HTRA3: variants seen among roughly 807,000 people sequenced by gnomAD.
HTRA3 encodes the protein HtrA serine peptidase 3.
HTRA3 carries 41 observed loss-of-function variants against 43.2 expected under a neutral mutation model. That is an observed-to-expected ratio of 0.95 (90% CI 0.74 to 1.23). The LOEUF is 1.23. Ranked by LOEUF, HTRA3 falls within the 50% of genes most tolerant of loss-of-function variation. The pLI is 0.00. For synonymous variants in HTRA3, 295 were observed against 287.9 expected, an observed-to-expected ratio of 1.02 and a Z score of -0.25; for missense variants, 628 against 647.1, an observed-to-expected ratio of 0.97 and a Z score of 0.32.
At chr4:8,298,049 G>GCCTCCA (rs1470237193) in intron 6 of HTRA3, among the ~76,000 whole-genome samples, 4 of 152,124 alleles carry the variant, frequency 2.6e-5, no homozygotes, top group Non-Finnish European at 4.4e-5. Context: ...TCGCCGCTCC[G>GCCTCCA]CCTCCACCTC....
Position 8,282,461 on chromosome 4 carries a change from G to A in HTRA3, c.410G>A (p.Arg137His), listed in dbSNP as rs746960044. 9 of 1,613,776 alleles carry A rather than the reference G, an allele frequency of 5.6e-6. No homozygotes were observed. Among genetic ancestry groups the A allele is most frequent in the African/African-American group, 2.7e-5 (2 of 74,930 alleles). Residue 137 changes from arginine (R) to histidine (H), a missense_variant, in exon 2 of 9, where the codon CGC becomes CAC. Physicochemically the swap from Arg to His is conservative, Grantham distance 29. Transcript: ENST00000307358. ...PLGLHQLSSP[R>H]YKFNFIADVV... ...GGTCTCCACCAGCTGAGCAGCCCGC[G>A]CTACAAGTTCAACTTCATTGCTGAC...
At chr4:8,270,857 C>G (rs567123174) in intron 1 of HTRA3, among the ~76,000 whole-genome samples, 56 of 152,272 alleles carry the variant, frequency 3.7e-4, no homozygotes, top group African/African-American at 1.3e-3. Context: ...CAGGGAGAGG[C>G]TGCTTGGGGG....
rs555586116 is a variant in HTRA3, at chr4:8,289,427, T to C, written c.709-1943T>C. ...CAGGCAATGGACAGCGTTTGGGCCT[T>C]GGGCCAGTTTGCAACCCCCGCTCGA... On this transcript the variant is annotated intron_variant, in intron 3 of 8. Coordinates refer to ENST00000307358, the MANE Select transcript of HTRA3 (RefSeq NM_053044.5). 9.8e-5 allele frequency among the ~76,000 whole-genome samples: 15 copies of C among 152,336 alleles called. No individual in the cohort carries two copies. In the South Asian group the frequency reaches 3.1e-3, roughly 32 times the overall value.
intron 1 of HTRA3, among the ~76,000 whole-genome samples, chr4:8,277,575 A>G (rs1712579075): frequency 6.6e-6 from 1 of 152,188 alleles, no homozygotes; most frequent in Non-Finnish European, 1.5e-5. Context: ...GCCCTGAGGA[A>G]TGACAGGAAG....
Position 8,279,736 on chromosome 4 carries a change from C to T in HTRA3, c.386-2701C>T, listed in dbSNP as rs185190801. ...GCCGTGGCTGCCTGCACAGGCAATG[C>T]GGGCTCAGCCTGTGGCTTTCCATGT... On this transcript the variant is annotated intron_variant, in intron 1 of 8. Transcript: ENST00000307358. The surrounding 1 kb of genome is among the most constrained non-coding windows in gnomAD (Gnocchi z 7.4). Among the ~76,000 whole-genome samples, 16 of 152,292 alleles carry T rather than the reference C, an allele frequency of 1.1e-4. No homozygotes were observed. The highest frequency in any genetic ancestry group is 3.9e-4 in the Admixed American group (6 of 15,294).
At chr4:8,289,176 G>C (rs7664627) in intron 3 of HTRA3, among the ~76,000 whole-genome samples, 74,229 of 151,488 alleles carry the variant, frequency 0.49, 18,822 homozygotes, top group East Asian at 0.69. Flanking sequence ...TCTAGAACTC[G>C]TGGGCTCAAG....
chr4:8,279,870 C>T lies in HTRA3; in HGVS notation c.386-2567C>T, dbSNP rs544435450. Among the ~76,000 whole-genome samples, 1 of 152,344 alleles carries T rather than the reference C, an allele frequency of 6.6e-6. No individual in the cohort carries two copies. Among genetic ancestry groups the T allele is most frequent in the East Asian group, 1.9e-4 (1 of 5,174 alleles). On this transcript the variant is annotated intron_variant, in intron 1 of 8. Coordinates refer to ENST00000307358, the MANE Select transcript of HTRA3 (RefSeq NM_053044.5). The surrounding 1 kb of genome is among the most constrained non-coding windows in gnomAD (Gnocchi z 7.4). ...CTCATCCCTGGTGATGCTGTGCTGT[C>T]TCTGGTCGGTCACTGACTTGACCCT... is the stretch of plus-strand genomic sequence containing the variant.
intron 3 of HTRA3, among the ~76,000 whole-genome samples, chr4:8,288,155 G>A (rs965299755): frequency 2.6e-5 from 4 of 152,218 alleles, no homozygotes; most frequent in African/African-American, 9.6e-5. Flanking sequence ...TCCCCTAATG[G>A]GGACCCTTCC....
Position 8,296,136 on chromosome 4 carries a change from C to T in HTRA3, c.1051+1935C>T, listed in dbSNP as rs1337588859. On this transcript the variant is annotated intron_variant, in intron 6 of 8. Transcript: ENST00000307358. This position sits in a 1 kb window ranked among gnomAD's most constrained non-coding sequence, Gnocchi z 5.3. ...GAAATTAGCGGAGCTGCTGTTTGCACACACTGAGCTGTGAGGTGGCTTTCC... is the reference window on the plus strand; with the variant it reads ...GAAATTAGCGGAGCTGCTGTTTGCATACACTGAGCTGTGAGGTGGCTTTCC... 8.0e-6 allele frequency: 8 copies of T among 995,850 alleles called. No individual in the cohort carries two copies. Among genetic ancestry groups the T allele is most frequent in the Non-Finnish European group, 6.0e-6 (5 of 837,214 alleles). The allele number at this position is 995,850 out of a possible 1,614,324, so 61.7% of individuals were successfully genotyped here.
rs1183099930 is a variant in HTRA3 at position 8,291,499 on chromosome 4, G to A, written c.838G>A (p.Glu280Lys). Residue 280 changes from glutamate to lysine, a missense_variant, in exon 4 of 9, where the codon GAG becomes AAG. By Grantham distance (56) the Glu-to-Lys change is moderately conservative (BLOSUM62 1). Coordinates refer to ENST00000307358, the MANE Select transcript of HTRA3 (RefSeq NM_053044.5). ...GGGCATCGTCAGCACTGCCCAGCGG[G>A]AGGGCAGGGAGCTGGGCCTCCGGGA... ...TTGIVSTAQR[E>K]GRELGLRDSD... 5 of 1,612,714 alleles carry A rather than the reference G, an allele frequency of 3.1e-6. No homozygotes were observed.
At chr4:8,281,799 G>A (rs1012393126) in intron 1 of HTRA3, among the ~76,000 whole-genome samples, 3 of 152,244 alleles carry the variant, frequency 2.0e-5, no homozygotes, top group African/African-American at 4.8e-5. Context: ...AGGGAAGTTC[G>A]TGAACCATCT....
chr4:8,291,248 TG>T, intron 3 of HTRA3, 121 bp from the exon 4 acceptor site: 1 of 834,528 alleles, frequency 1.2e-6, no homozygotes, highest in Non-Finnish European at 2.0e-6. Context: ...TTCACAGTCC[TG>T]GTGGCTTTGC....
At position 8,306,162 on chromosome 4, in the gene HTRA3, G is replaced by T; in HGVS notation, c.*26G>T. On this transcript the variant is annotated 3_prime_UTR_variant, in exon 9 of 9. Coordinates refer to ENST00000307358, the MANE Select transcript of HTRA3 (RefSeq NM_053044.5). This position sits in a 1 kb window ranked among gnomAD's most constrained non-coding sequence, Gnocchi z 8.9. ...GGGGCGCATTCCTCCAGCGCCAAGCGTCAGAGCCTGCAGACAACGGAGGGC... is the reference window on the plus strand; with the variant it reads ...GGGGCGCATTCCTCCAGCGCCAAGCTTCAGAGCCTGCAGACAACGGAGGGC... 1 of 1,544,314 alleles carries T rather than the reference G, an allele frequency of 6.5e-7. No homozygotes were observed. The highest frequency in any genetic ancestry group is 8.8e-7 in the Non-Finnish European group (1 of 1,140,096).
intron 1 of HTRA3, among the ~76,000 whole-genome samples, chr4:8,281,958 C>G (rs1358693529): frequency 6.6e-6 from 1 of 152,216 alleles, no homozygotes; most frequent in Non-Finnish European, 1.5e-5. Context: ...CCACTACACC[C>G]CCGCCTGGAC....
intron 3 of HTRA3, among the ~76,000 whole-genome samples, chr4:8,287,681 C>T (rs943355270): frequency 6.6e-6 from 1 of 152,156 alleles, no homozygotes. Context: ...GGCCCGTCCC[C>T]CAACACATGG....
In HTRA3 at chr4:8,270,302, C is replaced by T; in HGVS notation, c.334C>T (p.Gln112Ter). ...ALQAASRRAL[Q>*]LSGTPVRQLQ... Reference sequence around the variant, plus strand: ...GCAGGCGGCCAGCCGCCGCGCGCTGCAGCTCTCCGGGACGCCCGTGCGCCA... The same window carrying T: ...GCAGGCGGCCAGCCGCCGCGCGCTGTAGCTCTCCGGGACGCCCGTGCGCCA... The change falls in exon 1 of 9, where the codon CAG becomes TAG. Residue 112 changes from glutamine to a stop codon, truncating the protein, a stop_gained. Coordinates refer to ENST00000307358, the MANE Select transcript of HTRA3 (RefSeq NM_053044.5). LOFTEE classifies it high-confidence loss of function. 1.4e-6 allele frequency: 2 copies of T among 1,476,092 alleles called. No homozygotes were observed. The highest frequency in any genetic ancestry group is 2.8e-5 in the East Asian group (1 of 35,580). 91.4% of individuals were successfully genotyped at this position (1,476,092 alleles called of 1,614,324 possible).
Position 8,291,375 on chromosome 4 carries a change from G to T in HTRA3, c.714G>T (p.Lys238Asn), listed in dbSNP as rs1049845528. The part of the protein sequence containing the change: ...IATIKIHPKK[K>N]LPVLLLGHSA... The stretch of plus-strand genomic sequence containing the variant: ...CTTCTCCTTCTCTCTCCTAGAAAAA[G>T]CTCCCTGTGTTGTTGCTGGGTCACT... Residue 238 changes from lysine to asparagine, a missense_variant, in exon 4 of 9, where the codon AAG (lysine) becomes AAT (asparagine). Lys to Asn is a moderately conservative substitution (Grantham distance 94). Coordinates refer to ENST00000307358, the MANE Select transcript of HTRA3 (RefSeq NM_053044.5). The T allele has an allele frequency of 4.3e-6, 7 of 1,613,234 alleles. No individual in the cohort carries two copies. Among genetic ancestry groups the T allele is most frequent in the African/African-American group, 1.3e-5 (1 of 74,910 alleles).
At chr4:8,304,647 T>G (rs1560144640) in intron 8 of HTRA3, among the ~76,000 whole-genome samples, 7 of 84,210 alleles carry the variant, frequency 8.3e-5, no homozygotes, top group South Asian at 5.2e-4. Flanking sequence ...CCTATTGTTT[T>G]TTTTTTTTTT....
intron 1 of HTRA3, among the ~76,000 whole-genome samples, chr4:8,273,529 C>G (rs536741955): frequency 1.3e-5 from 2 of 150,584 alleles, no homozygotes; most frequent in South Asian, 2.1e-4. Context: ...CCCTCCCCCC[C>G]GCACCCCCGC....
Sources: allele counts gnomAD v4.1 joint callset (sites outside exome capture counted in the v4.1 genomes callset), GRCh38; gene constraint gnomAD v4.1.1; non-coding constraint Gnocchi (gnomAD v3.1); transcripts MANE v1.5; gene names NCBI Gene and HGNC (gene_info 2026-07-23, HGNC 2026-07-21).